ADPRHL1: variants seen among roughly 807,000 people sequenced by gnomAD.
The protein encoded by ADPRHL1 is inactive ADP-ribosyltransferase ARH2.
Under a neutral mutation model 44.1 loss-of-function variants are expected in ADPRHL1, and 43 were observed. The ratio of observed to expected loss-of-function variants is 0.98; its 90% CI spans 0.76 to 1.26. The LOEUF (loss-of-function observed/expected upper bound fraction) is 1.26. Among genes scored for constraint, ADPRHL1 ranks in the 50% most tolerant of loss-of-function variants. ADPRHL1 has a pLI of 0.00. For synonymous variants in ADPRHL1, 878 were observed against 1,017.4 expected (o/e 0.86, Z 2.61); for missense variants, 2,022 against 2,496.9 (o/e 0.81, Z 4.05).
intron 2 of ADPRHL1, among the ~76,000 whole-genome samples, chr13:113,437,209 C>T (rs1216660782): frequency 1.4e-5 from 2 of 140,312 alleles, no homozygotes; most frequent in African/African-American, 2.7e-5. Flanking sequence ...AGCACCCACA[C>T]GTAGAGTGAA....
chr13:113,402,536 C>G lies in ADPRHL1; in HGVS notation c.*842G>C, dbSNP rs1420244880. The G allele has an allele frequency of 6.6e-6, 1 of 152,438 alleles. No homozygotes were observed. The highest frequency in any genetic ancestry group is 1.5e-5 in the Non-Finnish European group (1 of 68,156). 9.4% of individuals were successfully genotyped at this position (152,438 alleles called of 1,614,324 possible). A position where few individuals can be genotyped will look rare whatever the true frequency, so the allele number is the denominator to read the frequency against. On this transcript the variant is annotated 3_prime_UTR_variant, in exon 8 of 8. Coordinates refer to ENST00000612156, the MANE Select transcript of ADPRHL1 (RefSeq NM_001394807.1). ...GTTCGGGAGGACGGAGGACAGACAG[C>G]GAGGCTCTCAGGTCACCGGCACCAG...
rs1353074888 is a variant in ADPRHL1 at position 113,399,650 on chromosome 13, C to T, written c.*3728G>A. The T allele has an allele frequency of 1.3e-5, 2 of 152,058 alleles. No homozygotes were observed. The highest frequency in any genetic ancestry group is 4.8e-5 in the African/African-American group (2 of 41,426). 9.4% of individuals were successfully genotyped at this position (152,058 alleles called of 1,614,324 possible). ...TTTTATTTCTTTTTGAAATTATTTCCAGCTGAATGATGTTAGTAAAAATAC... is the reference window on the plus strand; with the variant it reads ...TTTTATTTCTTTTTGAAATTATTTCTAGCTGAATGATGTTAGTAAAAATAC... On this transcript the variant is annotated 3_prime_UTR_variant, in exon 8 of 8. Coordinates refer to ENST00000612156, the MANE Select transcript of ADPRHL1 (RefSeq NM_001394807.1).
rs191630122 is a variant in ADPRHL1 at position 113,400,714 on chromosome 13, C to T, written c.*2664G>A. ...AAGTCACTGGCAGTTTTTTCCTGCA[C>T]ACAGAGTAGCTGTGCTGTTTTTGAG... On this transcript the variant is annotated 3_prime_UTR_variant, in exon 8 of 8. Transcript: ENST00000612156. The T allele has an allele frequency of 3.3e-5, 5 of 152,352 alleles. No individual in the cohort carries two copies. In the East Asian group the frequency reaches 9.7e-4, roughly 29 times the overall value. 9.4% of individuals were successfully genotyped at this position (152,352 alleles called of 1,614,324 possible).
In ADPRHL1 at chr13:113,433,650, G is replaced by A. The variant is rs541440509; in HGVS notation, c.505+92C>T. ...CAGATGGCGGCAGCTCCAGGCCCCC[G>A]CCCCCCACCCCACACTTAACCTGTG... On this transcript the variant is annotated intron_variant, in intron 3 of 7. Transcript: ENST00000612156. 1.4e-5 allele frequency: 19 copies of A among 1,334,168 alleles called. 1 individual carries two copies. The highest frequency in any genetic ancestry group is 2.7e-4 in the Middle Eastern group (1 of 3,640). The allele number at this position is 1,334,168 out of a possible 1,614,324, so 82.6% of individuals were successfully genotyped here. A position where few individuals can be genotyped will look rare whatever the true frequency, so the allele number is the denominator to read the frequency against.
In ADPRHL1 at chr13:113,405,282, C is replaced by T. The variant is rs899847505; in HGVS notation, c.4000G>A (p.Gly1334Ser). ...MGWVGGTHQR[G>S]PPHLQAHLPP... ...AGGTGTGCCTGTAGATGGGGAGGGC[C>T]CCGCTGGTGGGTGCCACCTACCCAC... Residue 1334 changes from glycine to serine, a missense_variant, in exon 8 of 8, where the codon GGC becomes AGC. Gly to Ser is a moderately conservative substitution (Grantham distance 56, BLOSUM62 0). Transcript: ENST00000612156. 1 of 1,231,888 alleles carries T rather than the reference C, an allele frequency of 8.1e-7. No homozygotes were observed. The highest frequency in any genetic ancestry group is 1.5e-5 in the African/African-American group (1 of 64,536). The allele number at this position is 1,231,888 out of a possible 1,614,324, so 76.3% of individuals were successfully genotyped here. A position where few individuals can be genotyped will look rare whatever the true frequency, so the allele number is the denominator to read the frequency against.
At chr13:113,424,096 G>T (rs567957103) in intron 6 of ADPRHL1, 121 bp downstream of exon 6, 7 of 1,339,178 alleles carry the variant, frequency 5.2e-6, no homozygotes, top group Non-Finnish European at 7.1e-6. Context: ...AGAGATGGAC[G>T]CACATGCTGG....
chr13:113,408,918 G>T (rs2043829802), intron 7 of ADPRHL1, among the ~76,000 whole-genome samples: 1 of 151,772 alleles, frequency 6.6e-6, no homozygotes, highest in African/African-American at 2.4e-5. Context: ...TGAAAGGAGG[G>T]GAGGAGCGGG....
chr13:113,403,770 AC>A lies in ADPRHL1; in HGVS notation c.5511del (p.Ser1838ProfsTer118). On this transcript the variant is annotated frameshift_variant, in exon 8 of 8. Transcript: ENST00000612156. LOFTEE classifies it low-confidence loss of function (END_TRUNC). The stretch of plus-strand genomic sequence containing the variant: ...CCATCCCTGGGGGCTGGGCTTCTGG[AC>A]CCCCCACTCCTGCCAGCAGCATCCA... ...EGVDAAGRSGGSRSPAPRDGG... is the reference protein window; with the variant it reads ...EGVDAAGRSGXSRSPAPRDGG... The A allele has an allele frequency of 3.2e-6, 4 of 1,231,750 alleles. No homozygotes were observed. The highest frequency in any genetic ancestry group is 4.0e-6 in the Non-Finnish European group (4 of 988,630). The allele number at this position is 1,231,750 out of a possible 1,614,324, so 76.3% of individuals were successfully genotyped here.
chr13:113,405,253 G>C lies in ADPRHL1; in HGVS notation c.4029C>G (p.Pro1343=). ...RGPPHLQAHL[P]PTAGDTQAKL... is the part of the protein sequence containing the mutation. Reference sequence around the variant, plus strand: ...TTGCCTGTGTGTCACCAGCAGTAGGGGGCAGGTGTGCCTGTAGATGGGGAG... The same window carrying C: ...TTGCCTGTGTGTCACCAGCAGTAGGCGGCAGGTGTGCCTGTAGATGGGGAG... Residue 1343 remains proline (P), a synonymous_variant, in exon 8 of 8, where the codon CCC becomes CCG. Coordinates refer to ENST00000612156, the MANE Select transcript of ADPRHL1 (RefSeq NM_001394807.1). The C allele has an allele frequency of 8.1e-7, 1 of 1,231,892 alleles. No homozygotes were observed. Among genetic ancestry groups the C allele is most frequent in the Non-Finnish European group, 1.0e-6 (1 of 988,100 alleles). 76.3% of individuals were successfully genotyped at this position (1,231,892 alleles called of 1,614,324 possible).
chr13:113,452,330 C>T (rs1008006432), intron 1 of ADPRHL1, among the ~76,000 whole-genome samples: 2 of 152,180 alleles, frequency 1.3e-5, no homozygotes, highest in African/African-American at 4.8e-5. Flanking sequence ...ATTTAGGGAC[C>T]GGCCACAGGC....
At chr13:113,418,468 A>G (rs1052614233) in intron 7 of ADPRHL1, among the ~76,000 whole-genome samples, 1 of 152,212 alleles carries the variant, frequency 6.6e-6, no homozygotes, top group Non-Finnish European at 1.5e-5. Flanking sequence ...TGGCTTTCAG[A>G]TATGAAAACA....
Position 113,403,453 on chromosome 13 carries a change from A to G in ADPRHL1, c.5829T>C (p.Arg1943=). 1 of 1,232,056 alleles carries G rather than the reference A, an allele frequency of 8.1e-7. No homozygotes were observed. The highest frequency in any genetic ancestry group is 1.0e-6 in the Non-Finnish European group (1 of 987,996). The allele number at this position is 1,232,056 out of a possible 1,614,324, so 76.3% of individuals were successfully genotyped here. A position where few individuals can be genotyped will look rare whatever the true frequency, so the allele number is the denominator to read the frequency against. Residue 1943 remains arginine, a synonymous_variant, in exon 8 of 8, where the codon CGT becomes CGC. Transcript: ENST00000612156. ...AGGACAAATCGAAGGCCCTCTGGTC[A>G]CGGAAGCTCTGGGCTTTGTACTTGG... is the stretch of plus-strand genomic sequence containing the variant. ...HLAKYKAQSF[R]DQRAFDLSFR...
At chr13:113,410,748 G>T (rs911734159) in intron 7 of ADPRHL1, among the ~76,000 whole-genome samples, 44 of 152,224 alleles carry the variant, frequency 2.9e-4, no homozygotes, top group African/African-American at 1.1e-3. Flanking sequence ...TGCGCCGTGG[G>T]GATGGGGAGG....
intron 3 of ADPRHL1, 81 bp from the exon 4 acceptor site, chr13:113,429,173 G>T (rs1389181893): frequency 3.9e-6 from 6 of 1,528,552 alleles, no homozygotes; most frequent in Non-Finnish European, 5.3e-6. Context: ...CGCTGCGTGG[G>T]ACTCCCGAGG....
At chr13:113,435,907 T>C (rs1442618677) in intron 2 of ADPRHL1, among the ~76,000 whole-genome samples, 7 of 130,402 alleles carry the variant, frequency 5.4e-5, no homozygotes, top group Non-Finnish European at 9.8e-5. Context: ...AGCACCCAGG[T>C]GTAGGGTGAA....
Position 113,405,299 on chromosome 13 carries a change from C to G in ADPRHL1, c.3983G>C (p.Gly1328Ala). The part of the protein sequence containing the change: ...PPAEVDMGWV[G>A]GTHQRGPPHL... Reference sequence around the variant, plus strand: ...GGGAGGGCCCCGCTGGTGGGTGCCACCTACCCACCCCATGTCCACCTCCGC... The same window carrying G: ...GGGAGGGCCCCGCTGGTGGGTGCCAGCTACCCACCCCATGTCCACCTCCGC... The change falls in exon 8 of 8, where the codon GGT becomes GCT. Residue 1328 changes from glycine to alanine, a missense_variant. Transcript: ENST00000612156. 2 of 1,231,912 alleles carry G rather than the reference C, an allele frequency of 1.6e-6. No homozygotes were observed. The highest frequency in any genetic ancestry group is 2.0e-6 in the Non-Finnish European group (2 of 988,116). 76.3% of individuals were successfully genotyped at this position (1,231,912 alleles called of 1,614,324 possible).
At chr13:113,426,299 C>A (rs1015229795) in intron 4 of ADPRHL1, among the ~76,000 whole-genome samples, 1 of 152,246 alleles carries the variant, frequency 6.6e-6, no homozygotes, top group Admixed American at 6.5e-5. Context: ...ACGGTGAGCA[C>A]CCCTGCCCGC....
intron 7 of ADPRHL1, among the ~76,000 whole-genome samples, chr13:113,410,932 A>G (rs966261239): frequency 6.6e-6 from 1 of 151,972 alleles, no homozygotes; most frequent in African/African-American, 2.4e-5. Flanking sequence ...CGCTCCCTTC[A>G]CCCCAGGAGG....
At chr13:113,446,507 G>A (rs1159853268) in intron 1 of ADPRHL1, among the ~76,000 whole-genome samples, 5 of 152,218 alleles carry the variant, frequency 3.3e-5, no homozygotes, top group South Asian at 2.1e-4. Flanking sequence ...TACATGCACG[G>A]TGTTGTCATA....
Sources: allele counts gnomAD v4.1 joint callset (sites outside exome capture counted in the v4.1 genomes callset), GRCh38; gene constraint gnomAD v4.1.1; transcripts MANE v1.5; gene names NCBI Gene and HGNC (gene_info 2026-07-23, HGNC 2026-07-21).